The following PIK3CB variants were observed in gnomAD, a reference collection of about 807,000 sequenced individuals.
PIK3CB encodes phosphatidylinositol 4,5-bisphosphate 3-kinase catalytic subunit beta isoform.
In PIK3CB, 39 loss-of-function variants were observed where a neutral mutation model predicts 136.8. The ratio of observed to expected loss-of-function variants is 0.29; its 90% confidence interval spans 0.22 to 0.37. The LOEUF is 0.37. PIK3CB is among the 10% of genes least tolerant of loss of function. The probability of loss-of-function intolerance (pLI) is 1.00; values close to 1 mark genes in which losing one functional copy is unlikely to be tolerated. For missense variants in PIK3CB, 868 were observed against 1,275.4 expected, an observed-to-expected ratio of 0.68 and a Z score of 4.87; for synonymous variants, 428 against 436.6, an observed-to-expected ratio of 0.98 and a Z score of 0.25.
At chr3:138,770,820 T>C (rs997879188) in intron 2 of PIK3CB, among the ~76,000 whole-genome samples, 4 of 151,936 alleles carry the variant, frequency 2.6e-5, no homozygotes, top group Admixed American at 6.6e-5. Flanking sequence ...CAAGCAGTTC[T>C]CCTGCCTCAG....
intron 8 of PIK3CB, among the ~76,000 whole-genome samples, chr3:138,725,329 C>T (rs2044814882): frequency 6.6e-6 from 1 of 152,120 alleles, no homozygotes; most frequent in Non-Finnish European, 1.5e-5. Flanking sequence ...TATGTCTGCA[C>T]TTGTATTTCT....
chr3:138,763,698 A>G (rs2045692033), intron 2 of PIK3CB, among the ~76,000 whole-genome samples: 4 of 152,216 alleles, frequency 2.6e-5, no homozygotes, highest in African/African-American at 4.8e-5. Context: ...CAGAGCAGCA[A>G]TCTTTTCAAA....
chr3:138,666,042 A>G (rs1409835013), intron 19 of PIK3CB, among the ~76,000 whole-genome samples: 2 of 152,252 alleles, frequency 1.3e-5, no homozygotes, highest in East Asian at 1.9e-4. Context: ...AAGAATTGAT[A>G]TTCTAACTAG....
intron 4 of PIK3CB, among the ~76,000 whole-genome samples, chr3:138,749,876 G>A (rs1161344161): frequency 1.3e-5 from 2 of 152,008 alleles, no homozygotes; most frequent in Non-Finnish European, 2.9e-5. Flanking sequence ...ATGTGATAGA[G>A]TTTTTTTGTT....
chr3:138,683,343 C>A (rs1255476127), intron 18 of PIK3CB, among the ~76,000 whole-genome samples: 3 of 147,474 alleles, frequency 2.0e-5, no homozygotes, highest in African/African-American at 7.6e-5. Context: ...GACAGTGAGA[C>A]CCTGTCTCAA....
chr3:138,754,440 A>G (rs2045528241), intron 4 of PIK3CB, among the ~76,000 whole-genome samples: 1 of 152,142 alleles, frequency 6.6e-6, no homozygotes, highest in African/African-American at 2.4e-5. Flanking sequence ...AGACCTTGTC[A>G]CCAAAAAAAC....
In PIK3CB at chr3:138,655,109, A is replaced by T; in HGVS notation, c.*280T>A. 2.6e-6 allele frequency: 1 copy of T among 380,688 alleles called. No homozygotes were observed. Among genetic ancestry groups the T allele is most frequent in the Non-Finnish European group, 4.7e-6 (1 of 211,496 alleles). The allele number at this position is 380,688 out of a possible 1,614,324, so 23.6% of individuals were successfully genotyped here. A position where few individuals can be genotyped will look rare whatever the true frequency, so the allele number is the denominator to read the frequency against. On this transcript the variant is annotated 3_prime_UTR_variant, in exon 24 of 24. Transcript: ENST00000674063. ...TATTAGAAAAAACAAACAAAAACGGAAACAATCCCTAGTAGCATTCCTTGG... is the reference window on the plus strand; with the variant it reads ...TATTAGAAAAAACAAACAAAAACGGTAACAATCCCTAGTAGCATTCCTTGG...
At chr3:138,724,864 T>C (rs2044804105) in intron 8 of PIK3CB, among the ~76,000 whole-genome samples, 1 of 152,190 alleles carries the variant, frequency 6.6e-6, no homozygotes, top group Admixed American at 6.5e-5. Flanking sequence ...AGCTTTGTTC[T>C]GACTTATGAG....
At chr3:138,813,142 T>C (rs79573506) in intron 1 of PIK3CB, among the ~76,000 whole-genome samples, 4,893 of 152,180 alleles carry the variant, frequency 0.032, 265 homozygotes, top group African/African-American at 0.11. Context: ...TTTTTAATGG[T>C]GTCTAGAACT....
At chr3:138,751,313 C>T (rs1428295088) in intron 4 of PIK3CB, among the ~76,000 whole-genome samples, 1 of 151,984 alleles carries the variant, frequency 6.6e-6, no homozygotes, top group African/African-American at 2.4e-5. Context: ...AAAAAATTAG[C>T]CAGGCATGGT....
At chr3:138,725,040 T>G (rs1037494570) in intron 8 of PIK3CB, among the ~76,000 whole-genome samples, 2 of 152,106 alleles carry the variant, frequency 1.3e-5, no homozygotes, top group Non-Finnish European at 1.5e-5. Context: ...GGTGTGAGGT[T>G]TGAAAATTTA....
chr3:138,805,468 A>G (rs2046223439), intron 1 of PIK3CB, among the ~76,000 whole-genome samples: 1 of 151,924 alleles, frequency 6.6e-6, no homozygotes, highest in Non-Finnish European at 1.5e-5. Context: ...CAGGAGATTG[A>G]GACCATCCTG....
intron 3 of PIK3CB, among the ~76,000 whole-genome samples, chr3:138,756,369 T>C (rs2045567588): frequency 1.3e-5 from 2 of 152,292 alleles, no homozygotes; most frequent in South Asian, 4.1e-4. Flanking sequence ...TAAGACTCAA[T>C]GAAAACTTTC....
chr3:138,722,075 A>T (rs2108606856), intron 8 of PIK3CB, among the ~76,000 whole-genome samples: 1 of 151,746 alleles, frequency 6.6e-6, no homozygotes, highest in Admixed American at 6.6e-5. Context: ...CAAAAAATTA[A>T]TCACACAGGA....
At chr3:138,775,175 C>T (rs1440808832) in intron 2 of PIK3CB, among the ~76,000 whole-genome samples, 5 of 152,192 alleles carry the variant, frequency 3.3e-5, no homozygotes, top group African/African-American at 1.2e-4. Context: ...GTTATTCTCT[C>T]TAGAGGACAC....
chr3:138,664,164 T>C (rs1305654184), intron 20 of PIK3CB, 135 bp from the exon 21 acceptor site: 4 of 992,730 alleles, frequency 4.0e-6, no homozygotes, highest in Non-Finnish European at 5.9e-6. Flanking sequence ...TGAGAGAACA[T>C]GTGGATCAGC....
rs777675918 is a variant in PIK3CB, at chr3:138,737,727, G to C, written c.781C>G (p.His261Asp). 1 of 1,604,258 alleles carries C rather than the reference G, an allele frequency of 6.2e-7. No individual in the cohort carries two copies. The highest frequency in any genetic ancestry group is 8.5e-7 in the Non-Finnish European group (1 of 1,174,898). Residue 261 changes from histidine (H) to aspartate (D), a missense_variant, in exon 6 of 24, where the codon CAT becomes GAT. Physicochemically the swap from His to Asp is moderately conservative, Grantham distance 81. Around this residue, in one of 4 missense-constraint regions of PIK3CB, gnomAD observed 612 missense variants for 801.1 expected, o/e 0.76. Transcript: ENST00000674063. ...SGRVEYVFGD[H>D]PLIQFQYIRN... ...CATACCTGGAACTGAATTAGTGGATGATCACCAAAAACATATTCTACTCTC... is the reference window on the plus strand; with the variant it reads ...CATACCTGGAACTGAATTAGTGGATCATCACCAAAAACATATTCTACTCTC...
At chr3:138,718,539 T>A (rs1024054193) in intron 8 of PIK3CB, among the ~76,000 whole-genome samples, 10 of 152,190 alleles carry the variant, frequency 6.6e-5, no homozygotes, top group Non-Finnish European at 1.5e-4. Flanking sequence ...ACTTGTCAAT[T>A]TTTGCTTTTG....
rs182264100 is a variant in PIK3CB, at chr3:138,824,875, C to T, written c.-122+9820G>A. 6.8e-4 allele frequency among the ~76,000 whole-genome samples: 97 copies of T among 142,000 alleles called. 1 individual carries two copies. The highest frequency in any genetic ancestry group is 2.6e-3 in the African/African-American group (95 of 37,058). The allele number at this position is 142,000 out of a possible 152,430, so 93.2% of individuals were successfully genotyped here. On this transcript the variant is annotated intron_variant, in intron 1 of 23. Coordinates refer to ENST00000674063, the MANE Select transcript of PIK3CB (RefSeq NM_006219.3). ...CCAGCCTGGGCAACATGGTGAAACA[C>T]TGCCTCTACAAAATACCAAAAAAAA... is the stretch of plus-strand genomic sequence containing the variant.
Sources: allele counts gnomAD v4.1 joint callset (sites outside exome capture counted in the v4.1 genomes callset), GRCh38; gene constraint gnomAD v4.1.1; regional missense constraint gnomAD v4.1.1; transcripts MANE v1.5; gene names NCBI Gene and HGNC (gene_info 2026-07-23, HGNC 2026-07-21).